Variants in RSU1 observed in about 807,000 individuals in gnomAD.
The protein encoded by RSU1 is rsu-1.
In RSU1, 26 loss-of-function variants were observed where a neutral mutation model predicts 31.1. The ratio of observed to expected loss-of-function variants is 0.84; its 90% CI spans 0.61 to 1.16. RSU1 has a LOEUF of 1.16. RSU1 is among the 50% of genes most tolerant of loss of function. The pLI, the probability that RSU1 is intolerant of heterozygous loss-of-function variation, is 0.00. For missense variants in RSU1, 320 were observed against 339.1 expected (o/e 0.94, Z 0.44); for synonymous variants, 164 against 136.3 (o/e 1.20, Z -1.41).
intron 7 of RSU1, among the ~76,000 whole-genome samples, chr10:16,736,988 G>C (rs185547180): frequency 1.6e-5 from 2 of 127,528 alleles, no homozygotes; most frequent in East Asian, 2.8e-4. Context: ...CAGTGCACAA[G>C]AAACTATCCA....
At chr10:16,723,678 G>T (rs1357873853) in intron 7 of RSU1, among the ~76,000 whole-genome samples, 1 of 152,176 alleles carries the variant, frequency 6.6e-6, no homozygotes, top group Non-Finnish European at 1.5e-5. Flanking sequence ...AGAATGGGAA[G>T]CTTCAGATGG....
At chr10:16,613,279 C>A (rs998451552) in intron 8 of RSU1, among the ~76,000 whole-genome samples, 1 of 152,188 alleles carries the variant, frequency 6.6e-6, no homozygotes, top group African/African-American at 2.4e-5. Flanking sequence ...GTGGAATTTC[C>A]ATATGTCTCT....
At chr10:16,791,635 C>CAAAAAAAAAAA (rs553951655) in intron 2 of RSU1, among the ~76,000 whole-genome samples, 2 of 98,482 alleles carry the variant, frequency 2.0e-5, no homozygotes, top group African/African-American at 3.7e-5. Context: ...CTCAAAAAAA[C>CAAAAAAAAAAA]AAAAAAAAAA....
At chr10:16,632,151 G>A (rs1834262222) in intron 8 of RSU1, among the ~76,000 whole-genome samples, 1 of 151,976 alleles carries the variant, frequency 6.6e-6, no homozygotes, top group Non-Finnish European at 1.5e-5. Context: ...CTAAAGTCAA[G>A]GAGAAAAAAC....
At chr10:16,779,867 C>T (rs976616614) in intron 3 of RSU1, among the ~76,000 whole-genome samples, 16 of 152,070 alleles carry the variant, frequency 1.1e-4, no homozygotes, top group African/African-American at 3.1e-4. Flanking sequence ...GTAAAGGATG[C>T]TAATTTGACC....
intron 7 of RSU1, among the ~76,000 whole-genome samples, chr10:16,711,937 A>C (rs564218144): frequency 3.9e-5 from 6 of 152,162 alleles, no homozygotes; most frequent in Non-Finnish European, 8.8e-5. Context: ...TTCTTTGCCA[A>C]ACTTCCCTTT....
intron 8 of RSU1, among the ~76,000 whole-genome samples, chr10:16,597,895 C>T (rs998584012): frequency 6.6e-6 from 1 of 152,220 alleles, no homozygotes; most frequent in African/African-American, 2.4e-5. Flanking sequence ...TTAACTCCTC[C>T]AGCTGTGTGG....
At chr10:16,684,246 AT>A (rs1410917212) in intron 8 of RSU1, among the ~76,000 whole-genome samples, 1 of 152,138 alleles carries the variant, frequency 6.6e-6, no homozygotes, top group Admixed American at 6.5e-5. Context: ...AACGATTTTT[AT>A]TTTCTTCTTT....
intron 5 of RSU1, among the ~76,000 whole-genome samples, chr10:16,753,519 A>C (rs1223086930): frequency 1.3e-5 from 2 of 152,210 alleles, no homozygotes; most frequent in East Asian, 3.9e-4. Context: ...TCAGTTCCAT[A>C]ATCTGACTAA....
chr10:16,788,357 A>C (rs1269457438), intron 2 of RSU1, among the ~76,000 whole-genome samples: 2 of 152,086 alleles, frequency 1.3e-5, no homozygotes, highest in African/African-American at 4.8e-5. Context: ...CCGAATCCCC[A>C]GTGTATGGTA....
intron 7 of RSU1, among the ~76,000 whole-genome samples, chr10:16,725,691 G>A (rs1836379284): frequency 6.6e-6 from 1 of 151,582 alleles, no homozygotes; most frequent in African/African-American, 2.4e-5. Flanking sequence ...ATGGAATGCA[G>A]CCCTCGCCAG....
chr10:16,765,078 T>G (rs1433466409), intron 3 of RSU1, among the ~76,000 whole-genome samples: 1 of 152,182 alleles, frequency 6.6e-6, no homozygotes. Flanking sequence ...TATATACTTA[T>G]GGTTGTCATA....
At chr10:16,641,789 C>T (rs918621012) in intron 8 of RSU1, among the ~76,000 whole-genome samples, 8 of 152,170 alleles carry the variant, frequency 5.3e-5, no homozygotes, top group Admixed American at 1.3e-4. Context: ...CCCACTTTCA[C>T]AGCAGACCGA....
intron 7 of RSU1, among the ~76,000 whole-genome samples, chr10:16,735,730 A>G (rs563686048): frequency 2.0e-5 from 3 of 152,202 alleles, no homozygotes; most frequent in East Asian, 3.9e-4. Context: ...GCAAAAGGGG[A>G]AAAACCCCTT....
intron 7 of RSU1, among the ~76,000 whole-genome samples, chr10:16,742,140 G>GA (rs1836767861): frequency 6.6e-6 from 1 of 152,038 alleles, no homozygotes; most frequent in Non-Finnish European, 1.5e-5. Context: ...TACGTATGTT[G>GA]AAAAAATGAG....
At chr10:16,615,949 G>A (rs371553020) in intron 8 of RSU1, among the ~76,000 whole-genome samples, 29 of 152,040 alleles carry the variant, frequency 1.9e-4, no homozygotes, top group African/African-American at 2.7e-4. Context: ...ACACCCCAAC[G>A]TTACAAGGAA....
intron 4 of RSU1, among the ~76,000 whole-genome samples, chr10:16,760,880 T>C (rs537596825): frequency 2.0e-5 from 3 of 152,328 alleles, no homozygotes; most frequent in South Asian, 2.1e-4. Flanking sequence ...CCATATCTCC[T>C]ATCTGCTACT....
intron 8 of RSU1, among the ~76,000 whole-genome samples, chr10:16,621,087 T>C (rs180915878): frequency 2.2e-4 from 34 of 152,284 alleles, no homozygotes; most frequent in African/African-American, 8.2e-4. Flanking sequence ...TGTGACTTAT[T>C]TGTGACACAG....
intron 8 of RSU1, among the ~76,000 whole-genome samples, chr10:16,616,124 G>T (rs1471106052): frequency 6.6e-6 from 1 of 151,940 alleles, no homozygotes; most frequent in Non-Finnish European, 1.5e-5. Context: ...CCACTAGCTA[G>T]ACTAACAAAG....
Sources: gnomAD v4.1 joint callset for allele counts (sites outside exome capture counted in the v4.1 genomes callset) on GRCh38, gnomAD v4.1.1 for gene constraint, MANE v1.5 for transcripts, NCBI Gene and HGNC (gene_info 2026-07-23, HGNC 2026-07-21) for gene names.